The following STK32A variants were observed in gnomAD, a reference collection of about 807,000 sequenced individuals.
STK32A encodes serine/threonine kinase 32A.
Under a neutral mutation model 53.2 loss-of-function variants are expected in STK32A, and 41 were observed. The ratio of observed to expected loss-of-function variants is 0.77; its 90% CI spans 0.60 to 1.00. The LOEUF is 1.00. Among genes scored for constraint, STK32A ranks in the 50% least tolerant of loss-of-function variants. The pLI is 0.00. For synonymous variants in STK32A, 166 were observed against 162.8 expected (o/e 1.02, Z -0.15); for missense variants, 458 against 485.8 (o/e 0.94, Z 0.54).
rs559815385 is a variant in STK32A, at chr5:147,302,319, A to T, written c.261-21579A>T. On this transcript the variant is annotated intron_variant, in intron 4 of 12. Coordinates refer to ENST00000397936, the MANE Select transcript of STK32A (RefSeq NM_001112724.2). ...TCAAAAGGGTCAGAATCTAGTTTAA[A>T]GTGAGTTTATTCGAGTACAAAGTTT... 1.1e-3 allele frequency among the ~76,000 whole-genome samples: 163 copies of T among 152,148 alleles called. 1 individual carries two copies. Among genetic ancestry groups the T allele is most frequent in the Non-Finnish European group, 1.6e-3 (109 of 68,032 alleles).
intron 2 of STK32A, among the ~76,000 whole-genome samples, chr5:147,267,933 T>A (rs1200971770): frequency 1.3e-5 from 2 of 152,162 alleles, no homozygotes; most frequent in Non-Finnish European, 2.9e-5. Flanking sequence ...TTCTCCCACC[T>A]TAGAACTCCT....
At chr5:147,269,996 T>G (rs1224290138) in intron 2 of STK32A, among the ~76,000 whole-genome samples, 1 of 152,176 alleles carries the variant, frequency 6.6e-6, no homozygotes, top group Non-Finnish European at 1.5e-5. Flanking sequence ...GAATATCAAT[T>G]ATGTAATTTA....
intron 4 of STK32A, among the ~76,000 whole-genome samples, chr5:147,282,198 AAAAAGC>A (rs200140222): frequency 0.015 from 2,239 of 152,254 alleles, 20 homozygotes; most frequent in Middle Eastern, 0.048. Flanking sequence ...AATACAAGTT[AAAAAGC>A]AAAAACAAAA....
intron 5 of STK32A, among the ~76,000 whole-genome samples, chr5:147,341,001 G>A (rs1310115551): frequency 1.3e-5 from 2 of 152,172 alleles, no homozygotes; most frequent in Non-Finnish European, 2.9e-5. Flanking sequence ...GGGAAAAGTA[G>A]TTAACACAAT....
intron 2 of STK32A, among the ~76,000 whole-genome samples, chr5:147,271,672 C>T (rs1390024103): frequency 2.6e-5 from 4 of 152,064 alleles, no homozygotes; most frequent in Admixed American, 1.3e-4. Context: ...TTGGGTGTGG[C>T]CGTCTTCTAT....
At chr5:147,267,930 A>G (rs1321637603) in intron 2 of STK32A, among the ~76,000 whole-genome samples, 2 of 152,136 alleles carry the variant, frequency 1.3e-5, no homozygotes, top group African/African-American at 2.4e-5. Flanking sequence ...GATTTCTCCC[A>G]CCTTAGAACT....
At position 147,319,271 on chromosome 5, in the gene STK32A, T is replaced by TA. The variant is rs1234672383; in HGVS notation, c.261-4626dup. 2.0e-5 allele frequency among the ~76,000 whole-genome samples: 3 copies of TA among 151,570 alleles called. No individual in the cohort carries two copies. The East Asian group carries it at 5.9e-4, about 30-fold the overall frequency. On this transcript the variant is annotated intron_variant, in intron 4 of 12. Coordinates refer to ENST00000397936, the MANE Select transcript of STK32A (RefSeq NM_001112724.2). ...CATTCTCCTGCCTCAGCCTCCCGAG[T>TA]AGCTGGACCTACGGGTGCATGCCAC...
chr5:147,367,653 T>G (rs1322989388), intron 8 of STK32A, among the ~76,000 whole-genome samples: 1 of 152,124 alleles, frequency 6.6e-6, no homozygotes, highest in Non-Finnish European at 1.5e-5. Flanking sequence ...AGAAGGAATT[T>G]CACAAGGTAG....
chr5:147,348,627 TA>T (rs1293243502), intron 6 of STK32A: 4 of 738,898 alleles, frequency 5.4e-6, no homozygotes, highest in Non-Finnish European at 1.0e-5. Context: ...CTATGCAGAC[TA>T]AAGTAGACAG....
intron 4 of STK32A, among the ~76,000 whole-genome samples, chr5:147,286,972 T>C (rs911567480): frequency 6.6e-6 from 1 of 152,196 alleles, no homozygotes; most frequent in African/African-American, 2.4e-5. Flanking sequence ...TTAGAATTTA[T>C]ACGAAGCACT....
rs1251257565 is a variant in STK32A at position 147,243,095 on chromosome 5, GATTTTTAAAAAGTTTTTTAAA to G, written c.52+3422_52+3442del. Among the ~76,000 whole-genome samples the G allele has an allele frequency of 1.9e-4, 10 of 52,896 alleles. 3 individuals are homozygous for G. The Admixed American group carries it at 2.1e-3, about 11-fold the overall frequency. The allele number at this position is 52,896 out of a possible 152,430, so 34.7% of individuals were successfully genotyped here. A position where few individuals can be genotyped will look rare whatever the true frequency, so the allele number is the denominator to read the frequency against. On this transcript the variant is annotated intron_variant, in intron 2 of 12. Transcript: ENST00000397936. ...ATTGCTGAAAAGAATCCCAATATGTGATTTTTAAAAAGTTTTTTAAAATTTTTAAAAAGATTTTTTAAAAGA... is the reference window on the plus strand; with the variant it reads ...ATTGCTGAAAAGAATCCCAATATGTGATTTTTAAAAAGATTTTTTAAAAGA...
At chr5:147,352,405 T>C (rs1430418618) in intron 7 of STK32A, among the ~76,000 whole-genome samples, 1 of 152,138 alleles carries the variant, frequency 6.6e-6, no homozygotes, top group Non-Finnish European at 1.5e-5. Flanking sequence ...TCACGTATAG[T>C]TGTGGTAACA....
intron 11 of STK32A, among the ~76,000 whole-genome samples, chr5:147,379,455 C>A (rs539186099): frequency 6.6e-6 from 1 of 151,988 alleles, no homozygotes; most frequent in Non-Finnish European, 1.5e-5. Flanking sequence ...GTACCAAGTT[C>A]ATAGGCTTGT....
At chr5:147,260,047 C>T (rs1254030987) in intron 2 of STK32A, among the ~76,000 whole-genome samples, 1 of 145,370 alleles carries the variant, frequency 6.9e-6, no homozygotes, top group East Asian at 2.1e-4. Context: ...TCTCCTGTCT[C>T]TCCTCTCTCT....
downstream of STK32A, chr5:147,391,134 G>A (rs1410407872): frequency 6.6e-6 from 1 of 152,564 alleles, no homozygotes; most frequent in African/African-American, 2.4e-5. Context: ...GAAGCTTGTG[G>A]CAAGGAAGTT....
At chr5:147,367,081 T>G (rs575824913) in intron 8 of STK32A, among the ~76,000 whole-genome samples, 1 of 152,074 alleles carries the variant, frequency 6.6e-6, no homozygotes, top group Non-Finnish European at 1.5e-5. Flanking sequence ...GTTTTTTTTT[T>G]CCTCAGGAGA....
chr5:147,311,425 T>C (rs72831365), intron 4 of STK32A, among the ~76,000 whole-genome samples: 2,356 of 152,310 alleles, frequency 0.015, 28 homozygotes, highest in Non-Finnish European at 0.024. Context: ...CCAAGCTATA[T>C]GCCAGGGGTT....
Position 147,260,163 on chromosome 5 carries a change from GTCTCTCTCTCTCTCTCC to G in STK32A, c.53-17950_53-17934del, listed in dbSNP as rs1169943584. ...TCTCTCTCCTGTCTCTCTCCTCTCT[GTCTCTCTCTCTCTCTCC>G]TCTCTCTCTCCTCTCTCTCTCCTCT... is the stretch of plus-strand genomic sequence containing the variant. On this transcript the variant is annotated intron_variant, in intron 2 of 12. Coordinates refer to ENST00000397936, the MANE Select transcript of STK32A (RefSeq NM_001112724.2). Among the ~76,000 whole-genome samples the G allele has an allele frequency of 1.7e-4, 7 of 42,188 alleles. No individual in the cohort carries two copies. The South Asian group carries it at 5.6e-3, about 34-fold the overall frequency. The allele number at this position is 42,188 out of a possible 152,430, so 27.7% of individuals were successfully genotyped here.
At chr5:147,285,581 C>T (rs1752288960) in intron 4 of STK32A, among the ~76,000 whole-genome samples, 1 of 151,998 alleles carries the variant, frequency 6.6e-6, no homozygotes, top group Non-Finnish European at 1.5e-5. Context: ...ACAATGAACT[C>T]AAGTAAATCA....
Sources: allele counts gnomAD v4.1 joint callset (sites outside exome capture counted in the v4.1 genomes callset), GRCh38; gene constraint gnomAD v4.1.1; transcripts MANE v1.5; gene names NCBI Gene and HGNC (gene_info 2026-07-23, HGNC 2026-07-21).